Variants in CADPS2 observed in about 807,000 individuals in gnomAD.
CADPS2 encodes calcium dependent secretion activator 2.
In CADPS2, 93 loss-of-function variants were observed where a neutral mutation model predicts 172.5. That is an observed-to-expected ratio of 0.54 (90% CI 0.46 to 0.64). The LOEUF (loss-of-function observed/expected upper bound fraction) is 0.64, where lower values mean the gene tolerates loss of function less well. Ranked by LOEUF, CADPS2 falls within the 30% of genes least tolerant of loss-of-function variation. The pLI, the probability that CADPS2 is intolerant of heterozygous loss-of-function variation, is 0.00. For synonymous variants in CADPS2, 546 were observed against 555.2 expected, an observed-to-expected ratio of 0.98 and a Z score of 0.23; for missense variants, 1,420 against 1,565.9, an observed-to-expected ratio of 0.91 and a Z score of 1.57.
At chr7:122,571,328 C>T (rs2067227718) in intron 7 of CADPS2, among the ~76,000 whole-genome samples, 1 of 152,076 alleles carries the variant, frequency 6.6e-6, no homozygotes. Context: ...GTACAGTGTA[C>T]ATGTCTAACA....
intron 28 of CADPS2, among the ~76,000 whole-genome samples, chr7:122,339,846 T>C (rs1192944364): frequency 3.3e-5 from 5 of 152,030 alleles, no homozygotes; most frequent in African/African-American, 4.8e-5. Flanking sequence ...GATTCCACCA[T>C]TGCACTCCAG....
chr7:122,704,874 G>C (rs2086736742), intron 2 of CADPS2, among the ~76,000 whole-genome samples: 2 of 152,002 alleles, frequency 1.3e-5, no homozygotes, highest in Non-Finnish European at 2.9e-5. Flanking sequence ...CATCTAGCGA[G>C]TACACACCAG....
intron 1 of CADPS2, among the ~76,000 whole-genome samples, chr7:122,829,469 C>T (rs181477795): frequency 4.1e-4 from 62 of 152,250 alleles, no homozygotes; most frequent in African/African-American, 1.3e-3. Flanking sequence ...AAGACCAACT[C>T]CTCAGATTCC....
chr7:122,367,642 G>T (rs1173573050), intron 25 of CADPS2, among the ~76,000 whole-genome samples: 1 of 144,020 alleles, frequency 6.9e-6, no homozygotes, highest in Non-Finnish European at 1.5e-5. Flanking sequence ...CCTCCTGAGT[G>T]CAAGTGTTCT....
intron 1 of CADPS2, among the ~76,000 whole-genome samples, chr7:122,789,007 T>C (rs79705077): frequency 6.6e-6 from 1 of 152,186 alleles, no homozygotes; most frequent in Non-Finnish European, 1.5e-5. Flanking sequence ...GAAGCAGTAC[T>C]TGACCTCTGT....
chr7:122,722,114 C>G (rs1330942242), intron 2 of CADPS2, among the ~76,000 whole-genome samples: 3 of 152,102 alleles, frequency 2.0e-5, no homozygotes, highest in Non-Finnish European at 2.9e-5. Context: ...TGGAAGCATT[C>G]CCTTTGAAAA....
intron 28 of CADPS2, 24 bp downstream of exon 28, chr7:122,345,550 T>C (rs940209011): frequency 1.7e-5 from 24 of 1,381,166 alleles, no homozygotes; most frequent in Non-Finnish European, 2.5e-5. Context: ...GGTGTCAGCA[T>C]ACCTTGCAAG....
chr7:122,562,628 G>A (rs1178122864), intron 7 of CADPS2, among the ~76,000 whole-genome samples: 1 of 152,100 alleles, frequency 6.6e-6, no homozygotes, highest in African/African-American at 2.4e-5. Context: ...AGAAACTAAT[G>A]TGTAGACAAT....
At chr7:122,702,433 T>C in intron 2 of CADPS2, 1 of 1,613,730 alleles carries the variant, frequency 6.2e-7, no homozygotes, top group Non-Finnish European at 8.5e-7. Context: ...AGCCTCCACG[T>C]TCGATGAGGG....
At chr7:122,404,131 A>C (rs1427530038) in intron 20 of CADPS2, among the ~76,000 whole-genome samples, 4 of 151,962 alleles carry the variant, frequency 2.6e-5, no homozygotes, top group Non-Finnish European at 5.9e-5. Flanking sequence ...TCCTAATGCT[A>C]TCCCTCCCCC....
intron 18 of CADPS2, 82 bp from the exon 19 acceptor site, chr7:122,414,158 C>G: frequency 1.0e-6 from 1 of 956,600 alleles, no homozygotes; most frequent in East Asian, 2.8e-5. Flanking sequence ...AAAAGGTCAT[C>G]ATAATAGTCC....
intron 3 of CADPS2, among the ~76,000 whole-genome samples, chr7:122,640,492 G>C (rs112743579): frequency 0.04 from 4,142 of 103,526 alleles, 66 homozygotes; most frequent in Non-Finnish European, 0.07. Flanking sequence ...CACACACACA[G>C]AGATAGAGAG....
intron 14 of CADPS2, among the ~76,000 whole-genome samples, chr7:122,465,642 C>G (rs1215671339): frequency 6.6e-6 from 1 of 152,158 alleles, no homozygotes; most frequent in Non-Finnish European, 1.5e-5. Flanking sequence ...AAAACCATCC[C>G]CATCCTACCG....
chr7:122,757,518 A>C (rs1276893932), intron 1 of CADPS2, among the ~76,000 whole-genome samples: 1 of 152,062 alleles, frequency 6.6e-6, no homozygotes, highest in Non-Finnish European at 1.5e-5. Context: ...TTTCTGGTTG[A>C]GATTCTGCCA....
intron 1 of CADPS2, among the ~76,000 whole-genome samples, chr7:122,799,942 T>G (rs1465738218): frequency 1.3e-5 from 2 of 152,210 alleles, no homozygotes; most frequent in Non-Finnish European, 2.9e-5. Flanking sequence ...TTACAAGCTA[T>G]GTGACTGTTG....
chr7:122,486,639 T>TA (rs1003389754), intron 11 of CADPS2, among the ~76,000 whole-genome samples: 1 of 152,198 alleles, frequency 6.6e-6, no homozygotes, highest in African/African-American at 2.4e-5. Context: ...GGATATTACA[T>TA]AAACTTAGTT....
Position 122,663,572 on chromosome 7 carries a change from G to GAAAAC in CADPS2, c.454-8_454-4dup, listed in dbSNP as rs565498642. 5.3e-4 allele frequency: 820 copies of GAAAAC among 1,553,640 alleles called. No homozygotes were observed. The highest frequency in any genetic ancestry group is 1.5e-3 in the South Asian group (124 of 84,554). On this transcript the variant is annotated splice_polypyrimidine_tract_variant and splice_region_variant and intron_variant, in intron 2 of 29. Coordinates refer to ENST00000449022, the MANE Select transcript of CADPS2 (RefSeq NM_017954.11). The stretch of plus-strand genomic sequence containing the variant: ...ACTCGGTCACTCTTTAGAAAAACCT[G>GAAAAC]AAAACAAAACAAAACAAAACAAAAC...
At chr7:122,341,881 G>A (rs1029585619) in intron 28 of CADPS2, among the ~76,000 whole-genome samples, 1 of 152,026 alleles carries the variant, frequency 6.6e-6, no homozygotes, top group Non-Finnish European at 1.5e-5. Flanking sequence ...AAAGATGAAG[G>A]ATGTACCTTA....
intron 1 of CADPS2, among the ~76,000 whole-genome samples, chr7:122,740,413 C>T (rs529876383): frequency 1.3e-5 from 2 of 151,998 alleles, no homozygotes; most frequent in Non-Finnish European, 2.9e-5. Flanking sequence ...ATGGAGGAAC[C>T]TTAAATGCAT....
Sources: gnomAD v4.1 joint callset for allele counts (sites outside exome capture counted in the v4.1 genomes callset) on GRCh38, gnomAD v4.1.1 for gene constraint, MANE v1.5 for transcripts, NCBI Gene and HGNC (gene_info 2026-07-23, HGNC 2026-07-21) for gene names.